Variants in NELL2 observed in about 807,000 individuals in gnomAD.
The protein encoded by NELL2 is neural EGFL like 2.
A neutral mutation model predicts 109.6 loss-of-function variants in NELL2; 41 were observed. The observed-to-expected ratio is 0.37, with a 90% CI of 0.29 to 0.49. The LOEUF is 0.49. NELL2 is among the 20% of genes least tolerant of loss of function. NELL2 has a pLI of 0.98. For missense variants in NELL2, 900 were observed against 1,008.3 expected (o/e 0.89, Z 1.45); for synonymous variants, 355 against 344.7 (o/e 1.03, Z -0.33).
At chr12:44,761,242 T>A (rs1941112297) in intron 9 of NELL2, among the ~76,000 whole-genome samples, 1 of 152,028 alleles carries the variant, frequency 6.6e-6, no homozygotes, top group Admixed American at 6.6e-5. Flanking sequence ...ATGCCGGTAA[T>A]CCCAGCTTGG....
chr12:44,581,689 G>C (rs544911291), intron 15 of NELL2, among the ~76,000 whole-genome samples: 2 of 152,060 alleles, frequency 1.3e-5, no homozygotes, highest in South Asian at 4.2e-4. Flanking sequence ...TGAAAAGTAG[G>C]GTTCCTAAAT....
At chr12:44,856,098 A>T (rs2136791593) in intron 2 of NELL2, among the ~76,000 whole-genome samples, 1 of 152,362 alleles carries the variant, frequency 6.6e-6, no homozygotes. Context: ...TATGTGTGCA[A>T]CCATGGTAGG....
chr12:44,906,294 T>C (rs1945718561), intron 1 of NELL2, among the ~76,000 whole-genome samples: 1 of 152,104 alleles, frequency 6.6e-6, no homozygotes, highest in Non-Finnish European at 1.5e-5. Flanking sequence ...GAAATGCGGT[T>C]AAATTATGTG....
At chr12:44,615,730 C>T (rs912536770) in intron 13 of NELL2, among the ~76,000 whole-genome samples, 3 of 152,032 alleles carry the variant, frequency 2.0e-5, no homozygotes, top group South Asian at 2.1e-4. Context: ...ACAATTAGGA[C>T]GTTATCATCT....
chr12:44,835,537 C>G (rs1944028738), intron 2 of NELL2, among the ~76,000 whole-genome samples: 2 of 152,240 alleles, frequency 1.3e-5, no homozygotes, highest in African/African-American at 4.8e-5. Context: ...AGGGCCAACA[C>G]ACGCATTCTT....
At chr12:44,711,437 G>A (rs1938197295) in intron 10 of NELL2, 43 bp from the exon 11 acceptor site, 1 of 1,528,700 alleles carries the variant, frequency 6.5e-7, no homozygotes, top group Non-Finnish European at 9.0e-7. Context: ...TTTATCATTA[G>A]GACTTGTTAA....
chr12:44,875,104 C>T, intron 2 of NELL2, 121 bp downstream of exon 2: 2 of 1,343,004 alleles, frequency 1.5e-6, no homozygotes, highest in Non-Finnish European at 2.0e-6. Context: ...GGCCCTTCTA[C>T]ACCTCAGCTA....
chr12:44,752,772 G>C (rs544497792), intron 9 of NELL2, among the ~76,000 whole-genome samples: 2 of 152,146 alleles, frequency 1.3e-5, no homozygotes, highest in Admixed American at 1.3e-4. Flanking sequence ...CATTCTCACA[G>C]TTACAACTGA....
chr12:44,612,458 A>T (rs1000702932), intron 13 of NELL2, among the ~76,000 whole-genome samples: 27 of 151,790 alleles, frequency 1.8e-4, no homozygotes, highest in Admixed American at 1.8e-3. Context: ...GAATAACCCA[A>T]AATTGTACAA....
intron 12 of NELL2, among the ~76,000 whole-genome samples, chr12:44,680,532 G>T (rs1029088717): frequency 3.3e-5 from 5 of 152,114 alleles, no homozygotes; most frequent in African/African-American, 1.2e-4. Context: ...AAAGTCAAAT[G>T]TATTATTAAA....
At chr12:44,635,190 T>A (rs1418652150) in intron 13 of NELL2, among the ~76,000 whole-genome samples, 1 of 152,202 alleles carries the variant, frequency 6.6e-6, no homozygotes, top group Non-Finnish European at 1.5e-5. Context: ...TAGCCCTTTG[T>A]CAGTTGGATA....
Position 44,885,699 on chromosome 12 carries a change from T to C in NELL2, c.39-9799A>G, listed in dbSNP as rs890764947. Among the ~76,000 whole-genome samples the C allele has an allele frequency of 1.6e-4, 24 of 151,906 alleles. 1 individual carries two copies. Among genetic ancestry groups the C allele is most frequent in the African/African-American group, 5.8e-4 (24 of 41,286 alleles). On this transcript the variant is annotated intron_variant, in intron 1 of 20. Coordinates refer to the NELL2 transcript ENST00000333837. ...ATAGTTCTTATTGTTAAGATATCAATTATCTTCATATTGATATAAAGATTC... is the reference window on the plus strand; with the variant it reads ...ATAGTTCTTATTGTTAAGATATCAACTATCTTCATATTGATATAAAGATTC...
At chr12:44,826,351 A>C (rs1053693721) in intron 2 of NELL2, among the ~76,000 whole-genome samples, 3 of 152,152 alleles carry the variant, frequency 2.0e-5, no homozygotes, top group African/African-American at 7.2e-5. Flanking sequence ...ATTTTTTTTC[A>C]GTACTTAACT....
At chr12:44,686,076 T>C (rs1371862641) in intron 12 of NELL2, among the ~76,000 whole-genome samples, 3 of 152,234 alleles carry the variant, frequency 2.0e-5, no homozygotes, top group African/African-American at 7.2e-5. Flanking sequence ...ATTTGGTCTT[T>C]TCACATAGTC....
intron 13 of NELL2, among the ~76,000 whole-genome samples, chr12:44,642,961 C>A (rs1024797814): frequency 6.6e-6 from 1 of 152,176 alleles, no homozygotes; most frequent in Non-Finnish European, 1.5e-5. Context: ...ACATTAAAAG[C>A]ACGAAGATAC....
chr12:44,610,737 T>C, intron 14 of NELL2, 111 bp downstream of exon 14: 1 of 1,441,738 alleles, frequency 6.9e-7, no homozygotes, highest in Non-Finnish European at 9.5e-7. Flanking sequence ...GCTTTTGATG[T>C]CTGTAGGAAG....
At chr12:44,653,881 A>G (rs773705958) in intron 13 of NELL2, among the ~76,000 whole-genome samples, 1 of 152,260 alleles carries the variant, frequency 6.6e-6, no homozygotes, top group Non-Finnish European at 1.5e-5. Flanking sequence ...AATGTGTCTT[A>G]GAATTTTCTG....
intron 14 of NELL2, among the ~76,000 whole-genome samples, chr12:44,610,547 A>G (rs182474440): frequency 1.4e-4 from 22 of 152,166 alleles, no homozygotes; most frequent in Non-Finnish European, 2.5e-4. Flanking sequence ...GTTCTCCACA[A>G]AAATGCCCAG....
chr12:44,758,922 T>G (rs574473752), intron 9 of NELL2, among the ~76,000 whole-genome samples: 1 of 152,280 alleles, frequency 6.6e-6, no homozygotes, highest in South Asian at 2.1e-4. Context: ...AAGTAAAACT[T>G]CATGCCTCTG....
Sources: allele counts gnomAD v4.1 joint callset (sites outside exome capture counted in the v4.1 genomes callset), GRCh38; gene constraint gnomAD v4.1.1; transcripts MANE v1.5; gene names NCBI Gene and HGNC (gene_info 2026-07-23, HGNC 2026-07-21).